The following MPDU1 variants were observed in gnomAD, a reference collection of about 807,000 sequenced individuals.
MPDU1 encodes the protein mannose-P-dolichol utilization defect 1.
Under a neutral mutation model 27.6 loss-of-function variants are expected in MPDU1, and 18 were observed. The ratio of observed to expected loss-of-function variants is 0.65; its 90% CI spans 0.45 to 0.97. The LOEUF (loss-of-function observed/expected upper bound fraction) is 0.97. Among genes scored for constraint, MPDU1 ranks in the 50% least tolerant of loss-of-function variants. MPDU1 has a pLI of 0.00. For synonymous variants in MPDU1, 142 were observed against 131.1 expected (o/e 1.08, Z -0.57); for missense variants, 279 against 297.4 (o/e 0.94, Z 0.46).
intron 3 of MPDU1, 188 bp from the exon 4 acceptor site, chr17:7,586,504 C>G (rs2071585027): frequency 1.5e-6 from 1 of 683,388 alleles, no homozygotes; most frequent in South Asian, 1.6e-5. Context: ...CTAATCATCA[C>G]CAGTGGAGGT....
rs760522014 is a variant in MPDU1, at chr17:7,586,073, A to G, written c.297A>G (p.Pro99=). Residue 99 remains proline (P), a synonymous_variant, in exon 3 of 7, where the codon CCA becomes CCG. Transcript: ENST00000250124. ...TMVYSITNNF[P]FSSWGEALFL... ...TCTACAGCATCACTAACAACTTCCC[A>G]TTCAGGTGAGGGGCCCACCCTTCCA... 2 of 1,613,564 alleles carry G rather than the reference A, an allele frequency of 1.2e-6. No homozygotes were observed. The highest frequency in any genetic ancestry group is 1.1e-5 in the South Asian group (1 of 91,048).
At chr17:7,583,790 A>C (rs2075230), upstream of MPDU1, 2 of 1,479,890 alleles carry the variant, frequency 1.4e-6, no homozygotes, top group Non-Finnish European at 9.4e-7. Flanking sequence ...CGGGAGGCGG[A>C]GTGTCCGCAG....
chr17:7,585,860 C>CTG, intron 2 of MPDU1, 63 bp downstream of exon 2: 1 of 1,611,492 alleles, frequency 6.2e-7, no homozygotes, highest in South Asian at 1.1e-5. Context: ...AGGCCATCAA[C>CTG]TGTGTGGGTG....
In MPDU1 at chr17:7,586,757, A is replaced by G. The variant is rs767762008; in HGVS notation, c.368A>G (p.Tyr123Cys). The change falls in exon 4 of 7, where the codon TAC (tyrosine) becomes TGC (cysteine). Residue 123 changes from tyrosine (Y) to cysteine (C), a missense_variant. Tyr to Cys is a radical substitution (Grantham distance 194). Transcript: ENST00000250124. Reference protein sequence around the residue: ...TITICFLVMHYRGQTVKGVAF... With the variant: ...TITICFLVMHCRGQTVKGVAF... ...ACCATCTGCTTCCTGGTCATGCACT[A>G]CAGAGGACAGACTGTGAAAGGTGCT... 1 of 1,613,996 alleles carries G rather than the reference A, an allele frequency of 6.2e-7. No homozygotes were observed. Among genetic ancestry groups the G allele is most frequent in the East Asian group, 2.2e-5 (1 of 44,856 alleles).
chr17:7,587,067 G>GGGGGGGGGGGA, intron 5 of MPDU1, 50 bp downstream of exon 5: 1 of 1,041,360 alleles, frequency 9.6e-7, no homozygotes, highest in Admixed American at 1.9e-5. Flanking sequence ...GGGTGGGGGG[G>GGGGGGGGGGGA]AAGAGTAGAA....
intron 3 of MPDU1, 77 bp from the exon 4 acceptor site, chr17:7,586,615 T>C: frequency 8.0e-7 from 1 of 1,257,220 alleles, no homozygotes; most frequent in African/African-American, 1.5e-5. Flanking sequence ...ATAGTGTCCC[T>C]GGATGGATGG....
intron 5 of MPDU1, 28 bp downstream of exon 5, chr17:7,587,045 G>A: frequency 1.5e-6 from 2 of 1,294,372 alleles, no homozygotes; most frequent in South Asian, 2.3e-5. Context: ...GGGACAAGAT[G>A]TTGTGGGGGC....
At chr17:7,583,801 C>A, upstream of MPDU1, 1 of 1,551,972 alleles carries the variant, frequency 6.4e-7, no homozygotes, top group African/African-American at 1.4e-5. Flanking sequence ...GTGTCCGCAG[C>A]GCGCACGCGC....
Position 7,586,686 on chromosome 17 carries a change from C to T in MPDU1, c.303-6C>T, listed in dbSNP as rs1331545415. On this transcript the variant is annotated splice_region_variant and splice_polypyrimidine_tract_variant and intron_variant, in intron 3 of 6. Transcript: ENST00000250124. ...CCTTTCTTCCTCCCAACTCTTGACT[C>T]TGCAGCTCTTGGGGTGAAGCCTTAT... 1.9e-6 allele frequency: 3 copies of T among 1,613,936 alleles called. No individual in the cohort carries two copies. Among genetic ancestry groups the T allele is most frequent in the Non-Finnish European group, 1.7e-6 (2 of 1,179,806 alleles).
At chr17:7,586,662 C>T in intron 3 of MPDU1, 30 bp from the exon 4 acceptor site, 1 of 1,607,086 alleles carries the variant, frequency 6.2e-7, no homozygotes, top group Non-Finnish European at 8.5e-7. Flanking sequence ...CTAGGCCCGC[C>T]TTTCTTCCTC....
chr17:7,584,998 TTAAAA>T (rs1192883772), intron 1 of MPDU1, among the ~76,000 whole-genome samples: 4 of 150,672 alleles, frequency 2.7e-5, no homozygotes, highest in African/African-American at 9.8e-5. Flanking sequence ...CGTCTCAAAA[TTAAAA>T]TAAGAAAAAA....
At position 7,587,011 on chromosome 17, in the gene MPDU1, G is replaced by A; in HGVS notation, c.501G>A (p.Val167=). ...LQASNVPAVV[V]GRLLQAATNY... is the part of the protein sequence containing the mutation. ...CCTCCAATGTGCCTGCTGTGGTGGTGGGGAGGGTGGGTACCAGGAGCAAGG... is the reference window on the plus strand; with the variant it reads ...CCTCCAATGTGCCTGCTGTGGTGGTAGGGAGGGTGGGTACCAGGAGCAAGG... Residue 167 remains valine (V), a synonymous_variant, in exon 5 of 7, where the codon GTG becomes GTA. Coordinates refer to ENST00000250124, the MANE Select transcript of MPDU1 (RefSeq NM_004870.4). The A allele has an allele frequency of 1.2e-6, 2 of 1,612,474 alleles. No individual in the cohort carries two copies. Among genetic ancestry groups the A allele is most frequent in the Non-Finnish European group, 1.7e-6 (2 of 1,179,252 alleles).
In MPDU1 at chr17:7,587,461, G is replaced by T; in HGVS notation, c.654G>T (p.Val218=). The change falls in exon 7 of 7, where the codon GTG becomes GTT. Residue 218 remains valine, a synonymous_variant. Coordinates refer to ENST00000250124, the MANE Select transcript of MPDU1 (RefSeq NM_004870.4). ...ATCCCCTGATGGCTGGGACCTTTGT[G>T]GTCTCCTCTCTCTGCAACGGCCTCA... ...TGDPLMAGTF[V]VSSLCNGLIA... The T allele has an allele frequency of 6.2e-7, 1 of 1,613,836 alleles. No homozygotes were observed. The highest frequency in any genetic ancestry group is 8.5e-7 in the Non-Finnish European group (1 of 1,179,978).
At position 7,588,073 on chromosome 17, in the gene MPDU1, G is replaced by GA. The variant is rs543253078; in HGVS notation, c.*523dup. The GA allele has an allele frequency of 1.6e-4, 87 of 556,210 alleles. No homozygotes were observed. Among genetic ancestry groups the GA allele is most frequent in the African/African-American group, 1.2e-3 (64 of 53,716 alleles). The allele number at this position is 556,210 out of a possible 1,614,324, so 34.5% of individuals were successfully genotyped here. A position where few individuals can be genotyped will look rare whatever the true frequency, so the allele number is the denominator to read the frequency against. On this transcript the variant is annotated 3_prime_UTR_variant, in exon 7 of 7. Coordinates refer to ENST00000250124, the MANE Select transcript of MPDU1 (RefSeq NM_004870.4). ...CTCAGGCAGGGCCCCAGGGTGGGGT[G>GA]AGGAGGTTCCTGCTCTGGCAGGTCT...
rs770642873 is a variant in MPDU1 at position 7,587,818 on chromosome 17, A to G, written c.*267A>G. On this transcript the variant is annotated 3_prime_UTR_variant, in exon 7 of 7. Coordinates refer to ENST00000250124, the MANE Select transcript of MPDU1 (RefSeq NM_004870.4). ...CTGTACATGTACTATTAATTCAGTC[A>G]TTCAGCCAAGCCTCCTCCTCTAGCA... 3.0e-5 allele frequency: 17 copies of G among 575,016 alleles called. No individual in the cohort carries two copies. The highest frequency in any genetic ancestry group is 2.4e-4 in the South Asian group (16 of 65,628). 35.6% of individuals were successfully genotyped at this position (575,016 alleles called of 1,614,324 possible).
intron 6 of MPDU1, 50 bp from the exon 7 acceptor site, chr17:7,587,376 T>A: frequency 6.2e-7 from 1 of 1,613,984 alleles, no homozygotes; most frequent in Non-Finnish European, 8.5e-7. Flanking sequence ...TAAGGGAACC[T>A]TTCTTGAGCT....
At chr17:7,586,579 G>A in intron 3 of MPDU1, 113 bp from the exon 4 acceptor site, 1 of 934,082 alleles carries the variant, frequency 1.1e-6, no homozygotes, top group Non-Finnish European at 1.8e-6. Flanking sequence ...TCCCGTGTGG[G>A]GGCTGTAGAG....
rs2071617250 is a variant in MPDU1 at position 7,588,172 on chromosome 17, ACT to A, written c.*623_*624del. Reference sequence around the variant, plus strand: ...ACAGATGGGACAATAAAGACTGGAGACTCAGTTGAATAATACAAAACTGTTTA... The same window carrying A: ...ACAGATGGGACAATAAAGACTGGAGACAGTTGAATAATACAAAACTGTTTA... On this transcript the variant is annotated 3_prime_UTR_variant, in exon 7 of 7. Transcript: ENST00000250124. 1.4e-6 allele frequency: 1 copy of A among 702,992 alleles called. No homozygotes were observed. Among genetic ancestry groups the A allele is most frequent in the South Asian group, 1.5e-5 (1 of 67,604 alleles). The allele number at this position is 702,992 out of a possible 1,614,324, so 43.5% of individuals were successfully genotyped here.
intron 1 of MPDU1, chr17:7,584,263 C>T (rs947398166): frequency 2.0e-5 from 12 of 591,624 alleles, no homozygotes; most frequent in East Asian, 5.6e-5. Context: ...ATCATGCCAA[C>T]CTTTATTAGA....
Sources: allele counts gnomAD v4.1 joint callset (sites outside exome capture counted in the v4.1 genomes callset), GRCh38; gene constraint gnomAD v4.1.1; transcripts MANE v1.5; gene names NCBI Gene and HGNC (gene_info 2026-07-23, HGNC 2026-07-21).